MGMT: variants seen among roughly 807,000 people sequenced by gnomAD.
MGMT encodes methylated-DNA--protein-cysteine methyltransferase.
In MGMT, 14 loss-of-function variants were observed where a neutral mutation model predicts 15.9. The ratio of observed to expected loss-of-function variants is 0.88; its 90% CI spans 0.58 to 1.37. MGMT has a LOEUF of 1.37. Among genes scored for constraint, MGMT ranks in the 40% most tolerant of loss-of-function variants. The probability of loss-of-function intolerance (pLI) is 0.00; values close to 1 mark genes in which losing one functional copy is unlikely to be tolerated. For missense variants in MGMT, 282 were observed against 268.1 expected, an observed-to-expected ratio of 1.05 and a Z score of -0.36; for synonymous variants, 130 against 118.2, an observed-to-expected ratio of 1.10 and a Z score of -0.65.
chr10:129,539,267 C>G (rs147181576), intron 2 of MGMT, among the ~76,000 whole-genome samples: 7 of 151,918 alleles, frequency 4.6e-5, no homozygotes, highest in African/African-American at 1.4e-4. Flanking sequence ...TATATGTGAT[C>G]CATTTTGAAT....
intron 1 of MGMT, among the ~76,000 whole-genome samples, chr10:129,531,548 C>T (rs746952723): frequency 6.6e-6 from 1 of 152,070 alleles, no homozygotes; most frequent in Non-Finnish European, 1.5e-5. Flanking sequence ...CCCTGGGCAT[C>T]GCATCAGAGA....
At chr10:129,555,950 T>C (rs78033214) in intron 2 of MGMT, among the ~76,000 whole-genome samples, 130 of 152,274 alleles carry the variant, frequency 8.5e-4, no homozygotes, top group African/African-American at 3.0e-3. Flanking sequence ...TTCGGAGAAC[T>C]GAGCGCTGGC....
chr10:129,580,585 GC>G (rs954881063), intron 2 of MGMT, among the ~76,000 whole-genome samples: 84 of 152,306 alleles, frequency 5.5e-4, no homozygotes, highest in East Asian at 1.9e-3. Flanking sequence ...CTCCTGAGAG[GC>G]AGTCCTCCAG....
At chr10:129,538,793 AC>A (rs1846013338) in intron 2 of MGMT, among the ~76,000 whole-genome samples, 1 of 151,952 alleles carries the variant, frequency 6.6e-6, no homozygotes, top group Non-Finnish European at 1.5e-5. Flanking sequence ...GCACCGCCAC[AC>A]CTGGCTAATT....
At chr10:129,692,048 C>A (rs1175068353) in intron 2 of MGMT, among the ~76,000 whole-genome samples, 2 of 152,230 alleles carry the variant, frequency 1.3e-5, no homozygotes, top group Non-Finnish European at 1.5e-5. Flanking sequence ...GGGCACCGAG[C>A]ACAGTGCCCA....
At chr10:129,601,666 G>A (rs2133061640) in intron 2 of MGMT, among the ~76,000 whole-genome samples, 1 of 152,318 alleles carries the variant, frequency 6.6e-6, no homozygotes, top group South Asian at 2.1e-4. Flanking sequence ...CATTACTGTG[G>A]AGTAGGGAAG....
At chr10:129,603,789 CT>C (rs1846853037) in intron 2 of MGMT, among the ~76,000 whole-genome samples, 1 of 152,166 alleles carries the variant, frequency 6.6e-6, no homozygotes, top group Admixed American at 6.5e-5. Context: ...ATAAAACTTT[CT>C]TTTATTTAAG....
At chr10:129,530,770 C>G (rs768267758) in intron 1 of MGMT, among the ~76,000 whole-genome samples, 9 of 152,224 alleles carry the variant, frequency 5.9e-5, no homozygotes, top group Non-Finnish European at 1.0e-4. Context: ...GGCTGTGTCC[C>G]CCACGCCTCT....
chr10:129,651,154 C>T (rs1257195426), intron 2 of MGMT, among the ~76,000 whole-genome samples: 7 of 152,212 alleles, frequency 4.6e-5, no homozygotes, highest in Non-Finnish European at 1.0e-4. Context: ...CCTCGGCATG[C>T]TCCCTGCAGC....
At chr10:129,480,333 G>A (rs956836917) in intron 1 of MGMT, among the ~76,000 whole-genome samples, 5 of 152,176 alleles carry the variant, frequency 3.3e-5, no homozygotes, top group African/African-American at 4.8e-5. Flanking sequence ...CCCGCTCTGT[G>A]AACTTTTTGC....
At chr10:129,529,778 G>A (rs1845909773) in intron 1 of MGMT, among the ~76,000 whole-genome samples, 2 of 151,098 alleles carry the variant, frequency 1.3e-5, no homozygotes, top group East Asian at 2.0e-4. Flanking sequence ...GTTTGCCATC[G>A]TTTTTCTACT....
intron 1 of MGMT, among the ~76,000 whole-genome samples, chr10:129,528,070 C>T (rs192665247): frequency 6.6e-6 from 1 of 150,954 alleles, no homozygotes; most frequent in African/African-American, 2.5e-5. Flanking sequence ...CTGGAGTTCT[C>T]CTTCTGAATT....
intron 2 of MGMT, among the ~76,000 whole-genome samples, chr10:129,681,330 G>A (rs1451730216): frequency 1.3e-5 from 2 of 152,164 alleles, no homozygotes; most frequent in Non-Finnish European, 2.9e-5. Flanking sequence ...TCCTTAGTAT[G>A]GCTCAGCAGC....
At chr10:129,679,386 G>A (rs1311426091) in intron 2 of MGMT, among the ~76,000 whole-genome samples, 1 of 152,050 alleles carries the variant, frequency 6.6e-6, no homozygotes, top group Admixed American at 6.5e-5. Context: ...ACTGGCATGA[G>A]GTCTGAGTCC....
intron 3 of MGMT, among the ~76,000 whole-genome samples, chr10:129,750,138 A>AT (rs1237911176): frequency 2.0e-5 from 3 of 151,732 alleles, no homozygotes; most frequent in Admixed American, 6.6e-5. Flanking sequence ...CAGCTTATTC[A>AT]TTTTTTTCTT....
intron 2 of MGMT, among the ~76,000 whole-genome samples, chr10:129,685,490 C>T (rs1018626428): frequency 2.0e-5 from 3 of 152,176 alleles, no homozygotes; most frequent in Admixed American, 1.3e-4. Flanking sequence ...TCCACCTCCC[C>T]GAGCCGTGGA....
In MGMT at chr10:129,707,729, G is replaced by A. The variant is rs557589509; in HGVS notation, c.126-166G>A. The stretch of plus-strand genomic sequence containing the variant: ...GAGAGTGGTTGCGGGGCCTCGGTGC[G>A]TCCTTGCCTCACCAGTCCCCCTTTC... On this transcript the variant is annotated intron_variant, in intron 2 of 4. Transcript: ENST00000651593. Among the ~76,000 whole-genome samples, 136 of 152,292 alleles carry A rather than the reference G, an allele frequency of 8.9e-4. 1 individual carries two copies. The highest frequency in any genetic ancestry group is 3.1e-3 in the African/African-American group (127 of 41,562).
intron 2 of MGMT, among the ~76,000 whole-genome samples, chr10:129,563,276 C>T (rs544676034): frequency 2.0e-5 from 3 of 152,206 alleles, no homozygotes; most frequent in Non-Finnish European, 2.9e-5. Flanking sequence ...GATGCAGAGG[C>T]GAGGACAGTG....
At chr10:129,705,834 A>C (rs1289822616) in intron 2 of MGMT, among the ~76,000 whole-genome samples, 1 of 151,988 alleles carries the variant, frequency 6.6e-6, no homozygotes, top group Non-Finnish European at 1.5e-5. Context: ...CACGGGGCCC[A>C]GGAGACAGGC....
Sources: gnomAD v4.1 joint callset for allele counts (sites outside exome capture counted in the v4.1 genomes callset) on GRCh38, gnomAD v4.1.1 for gene constraint, MANE v1.5 for transcripts, NCBI Gene and HGNC (gene_info 2026-07-23, HGNC 2026-07-21) for gene names.